PDE6A: variants seen among roughly 807,000 people sequenced by gnomAD.
The protein encoded by PDE6A is rod cGMP-specific 3',5'-cyclic phosphodiesterase subunit alpha.
Under a neutral mutation model 106.3 loss-of-function variants are expected in PDE6A, and 84 were observed. The ratio of observed to expected loss-of-function variants is 0.79; its 90% CI spans 0.66 to 0.95. The LOEUF (loss-of-function observed/expected upper bound fraction) is 0.95. Among genes scored for constraint, PDE6A ranks in the 40% least tolerant of loss-of-function variants. The probability of loss-of-function intolerance (pLI) is 0.00; values close to 1 mark genes in which losing one functional copy is unlikely to be tolerated. For missense variants in PDE6A, 1,052 were observed against 1,084.9 expected (o/e 0.97, Z 0.43); for synonymous variants, 394 against 386.6 (o/e 1.02, Z -0.23).
intron 17 of PDE6A, among the ~76,000 whole-genome samples, chr5:149,879,572 C>T (rs1202074453): frequency 9.1e-6 from 1 of 110,070 alleles, no homozygotes; most frequent in Non-Finnish European, 1.8e-5. Flanking sequence ...CTATCCCTCC[C>T]CCCTCCCCCC....
intron 20 of PDE6A, among the ~76,000 whole-genome samples, chr5:149,865,518 C>T (rs1313224617): frequency 6.6e-6 from 1 of 152,156 alleles, no homozygotes; most frequent in East Asian, 1.9e-4. Context: ...TCAGAGCACC[C>T]CAGTTAGTCT....
intron 17 of PDE6A, among the ~76,000 whole-genome samples, chr5:149,871,956 A>T (rs1364529589): frequency 6.6e-6 from 1 of 152,226 alleles, no homozygotes; most frequent in Admixed American, 6.5e-5. Context: ...AGTGAGGAAG[A>T]GAGAGGTGTC....
At chr5:149,876,588 C>T (rs986428523) in intron 17 of PDE6A, among the ~76,000 whole-genome samples, 14 of 152,112 alleles carry the variant, frequency 9.2e-5, no homozygotes, top group South Asian at 4.2e-4. Context: ...CTGCAAACTC[C>T]GCCTCCCCGG....
At chr5:149,907,251 T>A in intron 7 of PDE6A, 61 bp downstream of exon 7, 1 of 1,225,020 alleles carries the variant, frequency 8.2e-7, no homozygotes, top group South Asian at 1.2e-5. Context: ...TGATCTGAAA[T>A]CCTTCCACTC....
At chr5:149,888,955 C>T (rs893649665) in intron 13 of PDE6A, among the ~76,000 whole-genome samples, 5 of 151,388 alleles carry the variant, frequency 3.3e-5, no homozygotes, top group Non-Finnish European at 7.4e-5. Context: ...TGGTGGCGGG[C>T]GCCTGTAGTC....
At chr5:149,904,531 C>T (rs573720161) in intron 7 of PDE6A, among the ~76,000 whole-genome samples, 1 of 152,234 alleles carries the variant, frequency 6.6e-6, no homozygotes, top group Admixed American at 6.5e-5. Flanking sequence ...GAGCTGAAAT[C>T]CAGCCTGTGA....
At chr5:149,898,271 C>T (rs949793018) in intron 10 of PDE6A, 92 bp downstream of exon 10, 6 of 1,133,552 alleles carry the variant, frequency 5.3e-6, no homozygotes, top group Non-Finnish European at 8.0e-6. Flanking sequence ...CCAGGCTGTG[C>T]CCTCATGGAG....
At chr5:149,883,280 A>T (rs1760999508) in intron 17 of PDE6A, 149 bp downstream of exon 17, 1 of 672,976 alleles carries the variant, frequency 1.5e-6, no homozygotes, top group Non-Finnish European at 2.7e-6. Flanking sequence ...TGCAATTGGA[A>T]TTTGGCATAA....
Position 149,934,031 on chromosome 5 carries a change from A to G in PDE6A, c.628-12T>C. 6.7e-7 allele frequency: 1 copy of G among 1,495,874 alleles called. No individual in the cohort carries two copies. Among genetic ancestry groups the G allele is most frequent in the Non-Finnish European group, 9.3e-7 (1 of 1,072,944 alleles). 92.7% of individuals were successfully genotyped at this position (1,495,874 alleles called of 1,614,324 possible). A position where few individuals can be genotyped will look rare whatever the true frequency, so the allele number is the denominator to read the frequency against. On this transcript the variant is annotated splice_polypyrimidine_tract_variant and intron_variant, in intron 2 of 21. Coordinates refer to ENST00000255266, the MANE Select transcript of PDE6A (RefSeq NM_000440.3). ...TACTTGAGAAGAATCTAAAAATCAA[A>G]CAGCATGAGGGGAGGCAGGTGAGAA...
In PDE6A at chr5:149,898,591, C is replaced by T. The variant is rs111733247; in HGVS notation, c.1264-85G>A. The T allele has an allele frequency of 1.7e-4, 235 of 1,383,078 alleles. 2 individuals carry two copies. In the African/African-American group the frequency reaches 3.0e-3, roughly 17 times the overall value. 85.7% of individuals were successfully genotyped at this position (1,383,078 alleles called of 1,614,324 possible). A position where few individuals can be genotyped will look rare whatever the true frequency, so the allele number is the denominator to read the frequency against. On this transcript the variant is annotated intron_variant, in intron 9 of 21. Coordinates refer to ENST00000255266, the MANE Select transcript of PDE6A (RefSeq NM_000440.3). ...AAACTCATAGCAAGAGTCTCTAGGC[C>T]TCTGTTTTCTCAGCTATAAAATGGG...
At chr5:149,928,034 G>A (rs1437227423) in intron 4 of PDE6A, among the ~76,000 whole-genome samples, 6 of 151,270 alleles carry the variant, frequency 4.0e-5, no homozygotes, top group Non-Finnish European at 8.8e-5. Context: ...AATGTCTCCT[G>A]AAGGACCTGC....
At chr5:149,868,258 T>C (rs1411851988) in intron 17 of PDE6A, 100 bp from the exon 18 acceptor site, 1 of 1,191,560 alleles carries the variant, frequency 8.4e-7, no homozygotes, top group African/African-American at 1.5e-5. Flanking sequence ...CACTAGTAGG[T>C]GACTTTGTCT....
At chr5:149,920,947 A>AAAGAAAGAAAGAAAGAAAG (rs1753691060) in intron 5 of PDE6A, among the ~76,000 whole-genome samples, 5 of 109,688 alleles carry the variant, frequency 4.6e-5, no homozygotes, top group South Asian at 2.8e-4. Flanking sequence ...AGAGAAAAAG[A>AAAGAAAGAAAGAAAGAAAG]AAGAAAGAAA....
chr5:149,890,829 G>A (rs1034950643), intron 13 of PDE6A, among the ~76,000 whole-genome samples: 1 of 152,126 alleles, frequency 6.6e-6, no homozygotes, highest in Non-Finnish European at 1.5e-5. Context: ...AAAAATAATT[G>A]AAAATTAAAA....
chr5:149,922,168 A>C (rs1361894184), intron 4 of PDE6A, among the ~76,000 whole-genome samples: 1 of 152,190 alleles, frequency 6.6e-6, no homozygotes, highest in Admixed American at 6.5e-5. Flanking sequence ...ATGATGTTAC[A>C]GACGTGTGTG....
chr5:149,899,611 A>G, intron 8 of PDE6A, 87 bp from the exon 9 acceptor site: 3 of 1,338,400 alleles, frequency 2.2e-6, no homozygotes, highest in Non-Finnish European at 3.2e-6. Context: ...CATGACCCTG[A>G]TTGGCTGAGA....
chr5:149,934,514 G>GTTCCCTTCAAA, intron 2 of PDE6A, 52 bp downstream of exon 2: 1 of 1,592,340 alleles, frequency 6.3e-7, no homozygotes, highest in Non-Finnish European at 8.6e-7. Flanking sequence ...GGACTTCATA[G>GTTCCCTTCAAA]GCTGGGAGAA....
At chr5:149,887,471 T>C (rs1752355464) in intron 13 of PDE6A, among the ~76,000 whole-genome samples, 1 of 152,100 alleles carries the variant, frequency 6.6e-6, no homozygotes, top group Admixed American at 6.5e-5. Flanking sequence ...CAAGATCAGC[T>C]TAGGCAACAC....
intron 4 of PDE6A, 21 bp from the exon 5 acceptor site, chr5:149,921,730 A>T: frequency 6.3e-7 from 1 of 1,592,038 alleles, no homozygotes; most frequent in South Asian, 1.1e-5. Flanking sequence ...GAAAAACAAT[A>T]ATTACATGTT....
Sources: gnomAD v4.1 joint callset for allele counts (sites outside exome capture counted in the v4.1 genomes callset) on GRCh38, gnomAD v4.1.1 for gene constraint, MANE v1.5 for transcripts, NCBI Gene and HGNC (gene_info 2026-07-23, HGNC 2026-07-21) for gene names.